Variants in C20orf203 observed in about 807,000 individuals in gnomAD.
C20orf203 encodes uncharacterized protein C20orf203.
Under a neutral mutation model 15.9 loss-of-function variants are expected in C20orf203, and 16 were observed. The ratio of observed to expected loss-of-function variants is 1.01; its 90% CI spans 0.68 to 1.53. The LOEUF is 1.53. Among genes scored for constraint, C20orf203 ranks in the 40% most tolerant of loss-of-function variants. C20orf203 has a pLI of 0.00. For synonymous variants in C20orf203, 98 were observed against 97.2 expected, an observed-to-expected ratio of 1.01 and a Z score of -0.05; for missense variants, 263 against 247.5, an observed-to-expected ratio of 1.06 and a Z score of -0.42.
At chr20:32,658,740 G>A (rs1982819588) in intron 1 of C20orf203, among the ~76,000 whole-genome samples, 1 of 152,074 alleles carries the variant, frequency 6.6e-6, no homozygotes, top group African/African-American at 2.4e-5. Flanking sequence ...GAGCACAAAG[G>A]GTAGGTGGGG....
intron 4 of C20orf203, among the ~76,000 whole-genome samples, chr20:32,647,358 G>A (rs1211392306): frequency 1.4e-5 from 2 of 147,988 alleles, no homozygotes; most frequent in South Asian, 2.1e-4. Flanking sequence ...TCCTGCCATT[G>A]CACTCCAGCC....
chr20:32,655,774 CAG>C (rs1320768243), intron 1 of C20orf203, among the ~76,000 whole-genome samples: 3 of 152,200 alleles, frequency 2.0e-5, no homozygotes, highest in African/African-American at 4.8e-5. Context: ...GCCTGGGTGA[CAG>C]AGCAAGACTC....
chr20:32,635,434 T>G (rs1336920346), intron 5 of C20orf203, among the ~76,000 whole-genome samples: 1 of 148,320 alleles, frequency 6.7e-6, no homozygotes, highest in Non-Finnish European at 1.5e-5. Flanking sequence ...AGATGGAGGT[T>G]GCAGAAGGCC....
At chr20:32,642,946 C>G (rs1982323168) in intron 4 of C20orf203, among the ~76,000 whole-genome samples, 1 of 152,116 alleles carries the variant, frequency 6.6e-6, no homozygotes, top group African/African-American at 2.4e-5. Flanking sequence ...AAGGCTGTGT[C>G]TTGGTGGGGC....
At position 32,634,502 on chromosome 20, in the gene C20orf203, T is replaced by C. The variant is rs73613788; in HGVS notation, c.*1300-232A>G. Among the ~76,000 whole-genome samples the C allele has an allele frequency of 9.6e-3, 1,466 of 152,232 alleles. 29 individuals carry two copies. The highest frequency in any genetic ancestry group is 0.082 in the East Asian group (424 of 5,176). On this transcript the variant is annotated intron_variant, in intron 5 of 5. Transcript: ENST00000608990. Reference sequence around the variant, plus strand: ...CCCAGCAGGGCTTCCGAGAATTTCATGTCCAGAAATTTATCAGAAAAAAAC... The same window carrying C: ...CCCAGCAGGGCTTCCGAGAATTTCACGTCCAGAAATTTATCAGAAAAAAAC...
At chr20:32,656,843 AAC>A (rs1460217021) in intron 1 of C20orf203, 1 of 119,542 alleles carries the variant, frequency 8.4e-6, no homozygotes, top group Admixed American at 8.6e-5. Context: ...CAGCCTGGAC[AAC>A]AGAGTACGAC....
intron 1 of C20orf203, among the ~76,000 whole-genome samples, chr20:32,671,314 A>AAT (rs1983159859): frequency 6.6e-6 from 1 of 152,230 alleles, no homozygotes; most frequent in South Asian, 2.1e-4. Flanking sequence ...GATAAACAAC[A>AAT]TATGGTGTGT....
At chr20:32,637,878 G>A (rs777583545) in intron 5 of C20orf203, among the ~76,000 whole-genome samples, 2 of 152,178 alleles carry the variant, frequency 1.3e-5, no homozygotes, top group Admixed American at 6.6e-5. Context: ...ATGCATGTGT[G>A]TGGGTGTAGG....
At position 32,634,231 on chromosome 20, in the gene C20orf203, G is replaced by A. The variant is rs1982078502; in HGVS notation, c.*1339C>T. On this transcript the variant is annotated 3_prime_UTR_variant, in exon 6 of 6. Transcript: ENST00000608990. Reference sequence around the variant, plus strand: ...GGTTGGGGGGAGGTTCCTAGCCTGGGGGCTCTGGAAAAGCTTCCTGGAGAA... The same window carrying A: ...GGTTGGGGGGAGGTTCCTAGCCTGGAGGCTCTGGAAAAGCTTCCTGGAGAA... 1 of 398,502 alleles carries A rather than the reference G, an allele frequency of 2.5e-6. No homozygotes were observed. Among genetic ancestry groups the A allele is most frequent in the South Asian group, 1.3e-4 (1 of 7,856 alleles). The allele number at this position is 398,502 out of a possible 1,614,324, so 24.7% of individuals were successfully genotyped here.
chr20:32,665,190 T>G (rs1460132785), intron 1 of C20orf203, among the ~76,000 whole-genome samples: 1 of 152,224 alleles, frequency 6.6e-6, no homozygotes, highest in Non-Finnish European at 1.5e-5. Flanking sequence ...CCGTGGGTTC[T>G]GCTCAGAGGA....
At chr20:32,651,358 A>AG (rs1982623617) in intron 2 of C20orf203, among the ~76,000 whole-genome samples, 192 bp from the exon 3 acceptor site, 1 of 151,166 alleles carries the variant, frequency 6.6e-6, no homozygotes, top group Admixed American at 6.6e-5. Flanking sequence ...AAAAAAAAAA[A>AG]GGAAAAGAAA....
At chr20:32,666,451 A>G (rs1983027364) in intron 1 of C20orf203, among the ~76,000 whole-genome samples, 1 of 150,766 alleles carries the variant, frequency 6.6e-6, no homozygotes, top group South Asian at 2.1e-4. Flanking sequence ...TGGGCAACAA[A>G]GTGAGACTCT....
rs1449406149 is a variant in C20orf203, at chr20:32,668,525, G to A, written c.-264+5107C>T. On this transcript the variant is annotated intron_variant, in intron 1 of 5. Coordinates refer to ENST00000608990, the MANE Select transcript of C20orf203 (RefSeq NM_182584.4). Reference sequence around the variant, plus strand: ...CCTGCAGTCCCAGCTACTCGGGAGGGTGAGGCAGGAGAATCGCTTGAACCC... The same window carrying A: ...CCTGCAGTCCCAGCTACTCGGGAGGATGAGGCAGGAGAATCGCTTGAACCC... 2.0e-5 allele frequency among the ~76,000 whole-genome samples: 3 copies of A among 151,782 alleles called. No homozygotes were observed. In the South Asian group the frequency reaches 6.2e-4, roughly 32 times the overall value.
At chr20:32,651,232 A>AC in intron 2 of C20orf203, 66 bp from the exon 3 acceptor site, 3 of 459,144 alleles carry the variant, frequency 6.5e-6, no homozygotes, top group Non-Finnish European at 1.1e-5. Flanking sequence ...GGGTTCAGCT[A>AC]CTCATGGGGT....
chr20:32,663,122 G>A lies in C20orf203; in HGVS notation c.-264+10510C>T, dbSNP rs560367828. Among the ~76,000 whole-genome samples, 3 of 151,896 alleles carry A rather than the reference G, an allele frequency of 2.0e-5. No homozygotes were observed. The East Asian group carries it at 5.8e-4, about 29-fold the overall frequency. ...CACCACCATGCCCGGCTAATTTTTT[G>A]TATTTGTAGTAGAGACGGGGTTTCA... is the stretch of plus-strand genomic sequence containing the variant. On this transcript the variant is annotated intron_variant, in intron 1 of 5. Transcript: ENST00000608990.
rs1982528179 is a variant in C20orf203, at chr20:32,649,035, T to G, written c.*1177+220A>C. On this transcript the variant is annotated intron_variant, in intron 4 of 5. Transcript: ENST00000608990. Reference sequence around the variant, plus strand: ...AAAGCAGGGAGGTTGCCTCTCCCACTGACATCAATTTCCTCATACCTGGCA... The same window carrying G: ...AAAGCAGGGAGGTTGCCTCTCCCACGGACATCAATTTCCTCATACCTGGCA... Among the ~76,000 whole-genome samples, 3 of 152,206 alleles carry G rather than the reference T, an allele frequency of 2.0e-5. No homozygotes were observed. In the South Asian group the frequency reaches 6.2e-4, roughly 32 times the overall value.
intron 5 of C20orf203, among the ~76,000 whole-genome samples, chr20:32,640,152 T>C (rs1052414616): frequency 3.9e-5 from 6 of 152,228 alleles, no homozygotes; most frequent in Non-Finnish European, 4.4e-5. Flanking sequence ...AAGCAGTCCA[T>C]AGGCCAACAG....
intron 4 of C20orf203, among the ~76,000 whole-genome samples, chr20:32,642,263 C>T (rs1038401016): frequency 2.6e-5 from 4 of 152,224 alleles, no homozygotes; most frequent in Non-Finnish European, 4.4e-5. Context: ...TATGCCCCAC[C>T]GCCAGGGACA....
chr20:32,648,398 T>C (rs1568748504), intron 4 of C20orf203, among the ~76,000 whole-genome samples: 1 of 151,504 alleles, frequency 6.6e-6, no homozygotes, highest in Non-Finnish European at 1.5e-5. Flanking sequence ...GATTGTTTGC[T>C]TCATGGCACT....
Sources: gnomAD v4.1 joint callset for allele counts (sites outside exome capture counted in the v4.1 genomes callset) on GRCh38, gnomAD v4.1.1 for gene constraint, MANE v1.5 for transcripts, NCBI Gene and HGNC (gene_info 2026-07-23, HGNC 2026-07-21) for gene names.